The following KLC1 variants were observed in gnomAD, a reference collection of about 807,000 sequenced individuals.
KLC1 encodes kinesin light chain 1, also known as kinesin 2 60/70kDa.
A neutral mutation model predicts 84.2 loss-of-function variants in KLC1; 30 were observed. The observed-to-expected ratio is 0.36, with a 90% CI of 0.27 to 0.48. The LOEUF (loss-of-function observed/expected upper bound fraction) is 0.48. Among genes scored for constraint, KLC1 ranks in the 20% least tolerant of loss-of-function variants. The pLI is 0.99. For synonymous variants in KLC1, 289 were observed against 293.3 expected, an observed-to-expected ratio of 0.99 and a Z score of 0.15; for missense variants, 499 against 805.4, an observed-to-expected ratio of 0.62 and a Z score of 4.60.
chr14:103,693,642 G>T lies in KLC1; in HGVS notation c.1848+1217G>T, dbSNP rs2151862394. 6.5e-7 allele frequency: 1 copy of T among 1,534,614 alleles called. No homozygotes were observed. Among genetic ancestry groups the T allele is most frequent in the East Asian group, 2.4e-5 (1 of 40,856 alleles). ...GAGAGCCAGCAGGGCTAGGTAACCTGTCTTGGGAGTGTGAGACCGCCCCGC... is the reference window on the plus strand; with the variant it reads ...GAGAGCCAGCAGGGCTAGGTAACCTTTCTTGGGAGTGTGAGACCGCCCCGC... On this transcript the variant is annotated intron_variant, in intron 15 of 16. Coordinates refer to ENST00000334553, the MANE Select transcript of KLC1 (RefSeq NM_001394837.1). The surrounding 1 kb of genome is among the most constrained non-coding windows in gnomAD (Gnocchi z 5.1).
intron 3 of KLC1, among the ~76,000 whole-genome samples, chr14:103,658,594 A>G (rs1247202421): frequency 7.1e-6 from 1 of 140,668 alleles, no homozygotes; most frequent in African/African-American, 2.7e-5. Flanking sequence ...TGTTGGCTCT[A>G]TTTGGATGTT....
At chr14:103,680,332 G>T (rs2081251403) in intron 13 of KLC1, among the ~76,000 whole-genome samples, 1 of 151,680 alleles carries the variant, frequency 6.6e-6, no homozygotes, top group African/African-American at 2.4e-5. Context: ...CTTTTGTCAG[G>T]GAGAATTGAA....
At chr14:103,699,725 A>T in intron 15 of KLC1, 2 of 753,132 alleles carry the variant, frequency 2.7e-6, no homozygotes, top group Non-Finnish European at 4.6e-6. Context: ...CCATACTCTG[A>T]GCCCAATTCT....
At chr14:103,687,509 A>G (rs1024356850) in intron 14 of KLC1, 3 of 163,670 alleles carry the variant, frequency 1.8e-5, no homozygotes, top group African/African-American at 4.8e-5. Flanking sequence ...GTGGGCATTT[A>G]TATTAAAATG....
intron 15 of KLC1, chr14:103,696,024 T>C (rs535887001): frequency 1.0e-6 from 1 of 985,040 alleles, no homozygotes. Flanking sequence ...GTGGTCGTTC[T>C]GGTGAGAGGA....
chr14:103,644,420 G>A (rs953232487), intron 1 of KLC1, among the ~76,000 whole-genome samples: 3 of 151,720 alleles, frequency 2.0e-5, no homozygotes, highest in Middle Eastern at 3.4e-3. Flanking sequence ...CACCACACCC[G>A]GCTAATTTTT....
At chr14:103,692,167 C>T (rs1260814073) in intron 14 of KLC1, among the ~76,000 whole-genome samples, 192 bp from the exon 15 acceptor site, 1 of 152,188 alleles carries the variant, frequency 6.6e-6, no homozygotes, top group Non-Finnish European at 1.5e-5. Flanking sequence ...TGCAGAGAAG[C>T]TGTGGTCTTT....
intron 13 of KLC1, 160 bp downstream of exon 13, chr14:103,679,705 G>A: frequency 1.7e-6 from 1 of 578,706 alleles, no homozygotes; most frequent in East Asian, 2.9e-5. Context: ...ACTGAAGTCT[G>A]TTATTTGTTT....
chr14:103,694,050 C>G lies in KLC1; in HGVS notation c.1848+1625C>G, dbSNP rs1023157578. The G allele has an allele frequency of 1.0e-6, 1 of 994,558 alleles. No individual in the cohort carries two copies. The highest frequency in any genetic ancestry group is 1.7e-5 in the African/African-American group (1 of 57,486). The allele number at this position is 994,558 out of a possible 1,614,324, so 61.6% of individuals were successfully genotyped here. A position where few individuals can be genotyped will look rare whatever the true frequency, so the allele number is the denominator to read the frequency against. On this transcript the variant is annotated intron_variant, in intron 15 of 16. Coordinates refer to ENST00000334553, the MANE Select transcript of KLC1 (RefSeq NM_001394837.1). The surrounding 1 kb of genome is among the most constrained non-coding windows in gnomAD (Gnocchi z 4.5). Reference sequence around the variant, plus strand: ...AAAGTACCCCTTTCAGAACGATAGGCATTTAGTGATCTATGGCAGTAAAGC... The same window carrying G: ...AAAGTACCCCTTTCAGAACGATAGGGATTTAGTGATCTATGGCAGTAAAGC...
At chr14:103,686,791 T>C (rs1433793017) in intron 13 of KLC1, 1 of 174,774 alleles carries the variant, frequency 5.7e-6, no homozygotes. Flanking sequence ...TGTCTCAAAA[T>C]AGCAGGATTC....
At position 103,657,769 on chromosome 14, in the gene KLC1, C is replaced by G. The variant is rs1337892775; in HGVS notation, c.485C>G (p.Ser162Cys). 1.2e-6 allele frequency: 2 copies of G among 1,611,764 alleles called. No homozygotes were observed. Among genetic ancestry groups the G allele is most frequent in the Non-Finnish European group, 1.7e-6 (2 of 1,178,200 alleles). ...NQLKKYDDDISPSEDKDTDST... is the reference protein window; with the variant it reads ...NQLKKYDDDICPSEDKDTDST... ...CTAAAAAAATATGATGACGACATTT[C>G]CCCATCCGTGAGTGGCTCTGTAGCA... The change falls in exon 3 of 17, where the codon TCC becomes TGC. Residue 162 changes from serine (S) to cysteine (C), a missense_variant. Transcript: ENST00000334553.
chr14:103,701,164 T>G, intron 16 of KLC1, 37 bp from the exon 17 acceptor site: 2 of 1,549,716 alleles, frequency 1.3e-6, no homozygotes, highest in Non-Finnish European at 1.7e-6. Context: ...TGTCAGGTTT[T>G]GGCGGCCCAG....
intron 7 of KLC1, 51 bp downstream of exon 7, chr14:103,670,334 G>A (rs777774953): frequency 9.2e-6 from 12 of 1,303,950 alleles, no homozygotes; most frequent in Non-Finnish European, 1.3e-5. Flanking sequence ...TTTTGTGTGT[G>A]TGTGGTTTTT....
intron 1 of KLC1, among the ~76,000 whole-genome samples, chr14:103,629,906 G>A (rs111730248): frequency 6.6e-6 from 1 of 152,112 alleles, no homozygotes. Context: ...GACAGGGGAG[G>A]TGGCTGACCC....
In KLC1 at chr14:103,694,466, A is replaced by C; in HGVS notation, c.1848+2041A>C. 1.0e-6 allele frequency: 1 copy of C among 985,372 alleles called. No homozygotes were observed. The highest frequency in any genetic ancestry group is 1.2e-6 in the Non-Finnish European group (1 of 829,926). 61.0% of individuals were successfully genotyped at this position (985,372 alleles called of 1,614,324 possible). ...GCTAACATGGCGTTTCACTTTTTAAAAGCTTAAGCTTTATGGAATGAGGGA... is the reference window on the plus strand; with the variant it reads ...GCTAACATGGCGTTTCACTTTTTAACAGCTTAAGCTTTATGGAATGAGGGA... On this transcript the variant is annotated intron_variant, in intron 15 of 16. Transcript: ENST00000334553. This position sits in a 1 kb window ranked among gnomAD's most constrained non-coding sequence, Gnocchi z 4.5.
At chr14:103,672,593 G>A (rs915554400) in intron 7 of KLC1, among the ~76,000 whole-genome samples, 2 of 152,164 alleles carry the variant, frequency 1.3e-5, no homozygotes, top group East Asian at 1.9e-4. Flanking sequence ...TAGCTAGTAG[G>A]GAGGGCTAGG....
At chr14:103,696,011 T>C (rs1280188497) in intron 15 of KLC1, 3 of 985,084 alleles carry the variant, frequency 3.0e-6, no homozygotes, top group South Asian at 4.7e-5. Context: ...CCTCCTCCTG[T>C]GTGTGGTCGT....
At chr14:103,685,288 T>A in intron 13 of KLC1, 1 of 1,347,418 alleles carries the variant, frequency 7.4e-7, no homozygotes, top group Non-Finnish European at 9.5e-7. Flanking sequence ...GTCCCTATGT[T>A]TTTCATTGCA....
intron 1 of KLC1, among the ~76,000 whole-genome samples, chr14:103,652,161 A>G (rs3783404): frequency 0.3 from 46,335 of 152,132 alleles, 7,612 homozygotes; most frequent in Middle Eastern, 0.38. Context: ...ACAGGCCTTA[A>G]GTTTTATTTT....
Sources: allele counts gnomAD v4.1 joint callset (sites outside exome capture counted in the v4.1 genomes callset), GRCh38; gene constraint gnomAD v4.1.1; non-coding constraint Gnocchi (gnomAD v3.1); transcripts MANE v1.5; gene names NCBI Gene and HGNC (gene_info 2026-07-23, HGNC 2026-07-21).